KRT7: variants seen among roughly 807,000 people sequenced by gnomAD.
KRT7 encodes keratin 7.
In KRT7, 50 loss-of-function variants were observed where a neutral mutation model predicts 42.8. The ratio of observed to expected loss-of-function variants is 1.17; its 90% CI spans 0.93 to 1.48. KRT7 has a LOEUF of 1.48. KRT7 is among the 40% of genes most tolerant of loss of function. The pLI is 0.00. For missense variants in KRT7, 588 were observed against 637.6 expected, an observed-to-expected ratio of 0.92 and a Z score of 0.84; for synonymous variants, 268 against 266.3, an observed-to-expected ratio of 1.01 and a Z score of -0.06.
chr12:52,245,226 G>C, intron 6 of KRT7, 186 bp from the exon 7 acceptor site: 6 of 624,838 alleles, frequency 9.6e-6, no homozygotes, highest in Non-Finnish European at 1.7e-5. Context: ...GGCAGAGCCA[G>C]AACTGGAACA....
chr12:52,251,552 A>G (rs59603281), downstream of KRT7, among the ~76,000 whole-genome samples: 2,831 of 152,354 alleles, frequency 0.019, 100 homozygotes, highest in African/African-American at 0.064. Context: ...TCTGTACAGC[A>G]TGTGACTGTA....
At chr12:52,252,276 C>A, downstream of KRT7, 1 of 1,613,968 alleles carries the variant, frequency 6.2e-7, no homozygotes, top group Middle Eastern at 1.7e-4. Context: ...GCTCCTCGCC[C>A]TCCAGCAGGC....
At chr12:52,243,323 G>T in intron 6 of KRT7, 186 bp downstream of exon 6, 1 of 664,934 alleles carries the variant, frequency 1.5e-6, no homozygotes, top group Non-Finnish European at 2.4e-6. Flanking sequence ...TGGGCTGATG[G>T]GAGAAAGGTC....
At chr12:52,241,725 C>T in intron 5 of KRT7, 89 bp downstream of exon 5, 5 of 1,208,676 alleles carry the variant, frequency 4.1e-6, no homozygotes, top group Non-Finnish European at 5.8e-6. Flanking sequence ...GCCTTCAGGG[C>T]CTGGGTCCCA....
At chr12:52,237,755 TG>T in intron 3 of KRT7, 186 bp downstream of exon 3, 2 of 464,780 alleles carry the variant, frequency 4.3e-6, no homozygotes, top group Non-Finnish European at 7.6e-6. Context: ...TGTGTGTGTG[TG>T]TGTGTGGTGA....
chr12:52,251,794 C>T (rs2121128052), downstream of KRT7: 1 of 358,214 alleles, frequency 2.8e-6, no homozygotes, highest in African/African-American at 2.1e-5. Context: ...AAACTACGGC[C>T]ACATGCAGGC....
downstream of KRT7, chr12:52,252,045 C>T (rs536559203): frequency 4.8e-5 from 35 of 731,110 alleles, no homozygotes; most frequent in African/African-American, 3.8e-4. Flanking sequence ...ACAGCACCAA[C>T]GCCCTCACAC....
intron 1 of KRT7, among the ~76,000 whole-genome samples, chr12:52,234,137 G>GGGCCCCCCCCC (rs1592387078): frequency 7.4e-6 from 1 of 134,578 alleles, no homozygotes; most frequent in African/African-American, 2.7e-5. Context: ...AGGGGGGGGG[G>GGGCCCCCCCCC]CTCCCGCCCC....
chr12:52,236,333 G>A (rs555550893), intron 2 of KRT7, among the ~76,000 whole-genome samples: 9 of 152,222 alleles, frequency 5.9e-5, no homozygotes, highest in Non-Finnish European at 1.3e-4. Flanking sequence ...TAACGTGTGT[G>A]CATGCGTGTG....
chr12:52,238,235 T>C (rs1942037178), intron 3 of KRT7, among the ~76,000 whole-genome samples: 2 of 152,200 alleles, frequency 1.3e-5, no homozygotes, highest in South Asian at 4.1e-4. Flanking sequence ...ACCTGCATCA[T>C]AGTTACCATG....
At chr12:52,237,607 A>C in intron 3 of KRT7, 38 bp downstream of exon 3, 1 of 1,465,672 alleles carries the variant, frequency 6.8e-7, no homozygotes, top group Non-Finnish European at 9.1e-7. Context: ...GGTTGTCTGA[A>C]AACATGGGAC....
At chr12:52,251,533 A>G (rs960801114), downstream of KRT7, among the ~76,000 whole-genome samples, 2 of 152,230 alleles carry the variant, frequency 1.3e-5, no homozygotes, top group African/African-American at 4.8e-5. Context: ...GTTGCTTCTA[A>G]GCTACAAATC....
intron 2 of KRT7, among the ~76,000 whole-genome samples, chr12:52,235,836 T>G (rs560666370): frequency 3.3e-5 from 5 of 152,124 alleles, no homozygotes; most frequent in Non-Finnish European, 5.9e-5. Context: ...GACTTGAATT[T>G]TAGGTCCCTG....
chr12:52,234,270 T>C (rs1367966482), intron 1 of KRT7, among the ~76,000 whole-genome samples: 1 of 151,260 alleles, frequency 6.6e-6, no homozygotes, highest in Non-Finnish European at 1.5e-5. Flanking sequence ...CAAAAAGGGG[T>C]CCATTTTGGA....
chr12:52,248,721 C>T lies in KRT7; in HGVS notation c.1371C>T (p.Ile457=), dbSNP rs1393166887. 23 of 1,604,966 alleles carry T rather than the reference C, an allele frequency of 1.4e-5. No homozygotes were observed. The highest frequency in any genetic ancestry group is 1.9e-5 in the Non-Finnish European group (22 of 1,176,244). The change falls in exon 9 of 9, where the codon ATC becomes ATT. Residue 457 remains isoleucine (I), a synonymous_variant. Coordinates refer to ENST00000331817, the MANE Select transcript of KRT7 (RefSeq NM_005556.4). ...AGPGLLKAYS[I]RTASASRRSA... ...CTGGGCTCCTGAAGGCTTATTCCAT[C>T]CGGACCGCATCCGCCAGTCGCAGGA...
At chr12:52,239,516 A>T (rs958371816) in intron 4 of KRT7, among the ~76,000 whole-genome samples, 6 of 152,194 alleles carry the variant, frequency 3.9e-5, no homozygotes, top group Admixed American at 3.9e-4. Flanking sequence ...GGACTCAGGA[A>T]TTCAGGACAG....
chr12:52,252,317 C>CT (rs757534423), downstream of KRT7: 47 of 1,613,920 alleles, frequency 2.9e-5, no homozygotes, highest in African/African-American at 3.1e-4. Context: ...AAGTCCAGGC[C>CT]AGCTTGGAGT....
At chr12:52,255,705 AC>A, downstream of KRT7, among the ~76,000 whole-genome samples, 1 of 152,090 alleles carries the variant, frequency 6.6e-6, no homozygotes, top group East Asian at 1.9e-4. Flanking sequence ...TGGGGCAGGA[AC>A]CCTGCCCAGT....
At chr12:52,252,410 G>C, downstream of KRT7, 8 of 1,614,154 alleles carry the variant, frequency 5.0e-6, no homozygotes, top group Non-Finnish European at 6.8e-6. Flanking sequence ...CGGCCAGCTT[G>C]CAGCGGGCAT....
Sources: gnomAD v4.1 joint callset for allele counts (sites outside exome capture counted in the v4.1 genomes callset) on GRCh38, gnomAD v4.1.1 for gene constraint, MANE v1.5 for transcripts, NCBI Gene and HGNC (gene_info 2026-07-23, HGNC 2026-07-21) for gene names.